FAM110B: variants seen among roughly 807,000 people sequenced by gnomAD.
FAM110B encodes the protein protein FAM110B.
A neutral mutation model predicts 20.4 loss-of-function variants in FAM110B; 6 were observed. The ratio of observed to expected loss-of-function variants is 0.29; its 90% CI spans 0.16 to 0.58. The LOEUF (loss-of-function observed/expected upper bound fraction) is 0.58. Among genes scored for constraint, FAM110B ranks in the 20% least tolerant of loss-of-function variants. FAM110B has a pLI of 0.90. For missense variants in FAM110B, 434 were observed against 498.2 expected, an observed-to-expected ratio of 0.87 and a Z score of 1.23; for synonymous variants, 226 against 214.1, an observed-to-expected ratio of 1.06 and a Z score of -0.49.
At chr8:58,045,583 T>A (rs1456587494) in intron 2 of FAM110B, among the ~76,000 whole-genome samples, 4 of 152,196 alleles carry the variant, frequency 2.6e-5, no homozygotes, top group African/African-American at 9.6e-5. Context: ...TTGAGGCCAG[T>A]TAGCCACCCA....
intron 1 of FAM110B, among the ~76,000 whole-genome samples, chr8:58,024,549 A>T (rs1804817718): frequency 6.6e-6 from 1 of 152,170 alleles, no homozygotes; most frequent in Non-Finnish European, 1.5e-5. Flanking sequence ...TTGATGAAAA[A>T]ATGAATTGCC....
chr8:58,146,946 C>T lies in FAM110B; in HGVS notation c.716C>T (p.Pro239Leu), dbSNP rs772639877. The T allele has an allele frequency of 1.2e-6, 2 of 1,614,114 alleles. No homozygotes were observed. The highest frequency in any genetic ancestry group is 1.7e-6 in the Non-Finnish European group (2 of 1,180,052). ...KIAAIASMKS[P>L]EADPVEPACG... ...GCAGCCATCGCCTCCATGAAGTCCCCCGAGGCCGACCCTGTGGAACCAGCT... is the reference window on the plus strand; with the variant it reads ...GCAGCCATCGCCTCCATGAAGTCCCTCGAGGCCGACCCTGTGGAACCAGCT... Residue 239 changes from proline (P) to leucine (L), a missense_variant, in exon 4 of 4, where the codon CCC (proline) becomes CTC (leucine). Pro to Leu is a moderately conservative substitution (Grantham distance 98). Transcript: ENST00000519262.
intron 3 of FAM110B, among the ~76,000 whole-genome samples, chr8:58,082,125 T>C (rs1806212103): frequency 6.6e-6 from 1 of 152,162 alleles, no homozygotes; most frequent in South Asian, 2.1e-4. Flanking sequence ...GTAGATGGCT[T>C]TGCAGCATCA....
chr8:58,046,517 C>G (rs989121674), intron 2 of FAM110B, among the ~76,000 whole-genome samples: 2 of 152,070 alleles, frequency 1.3e-5, no homozygotes, highest in African/African-American at 4.8e-5. Context: ...CTGTGTATAC[C>G]AGGAATCCTC....
chr8:58,131,274 C>CTTT (rs527262989), intron 3 of FAM110B, among the ~76,000 whole-genome samples: 1 of 151,382 alleles, frequency 6.6e-6, no homozygotes, highest in Non-Finnish European at 1.5e-5. Context: ...AACATGCTGC[C>CTTT]TTTTTTTTTC....
intron 1 of FAM110B, among the ~76,000 whole-genome samples, chr8:58,000,214 G>A (rs910356330): frequency 1.8e-4 from 27 of 152,350 alleles, no homozygotes; most frequent in African/African-American, 6.3e-4. Flanking sequence ...CAGGTCAGCA[G>A]GGCCTTATGG....
intron 3 of FAM110B, among the ~76,000 whole-genome samples, chr8:58,104,915 C>T (rs10092970): frequency 0.86 from 129,854 of 150,924 alleles, 56,344 homozygotes; most frequent in African/African-American, 0.95. Flanking sequence ...CATCGTATTA[C>T]TGACATGTAT....
At chr8:58,064,034 G>C (rs1290649706) in intron 2 of FAM110B, among the ~76,000 whole-genome samples, 1 of 152,168 alleles carries the variant, frequency 6.6e-6, no homozygotes, top group Non-Finnish European at 1.5e-5. Context: ...ATCTTATATG[G>C]CTGGTGCAGG....
chr8:58,054,463 A>G (rs1805513708), intron 2 of FAM110B, among the ~76,000 whole-genome samples: 2 of 152,208 alleles, frequency 1.3e-5, no homozygotes, highest in Non-Finnish European at 2.9e-5. Context: ...CTTCATTACC[A>G]AAGAATCAGT....
chr8:58,000,343 T>C (rs1314211007), intron 1 of FAM110B, among the ~76,000 whole-genome samples: 6 of 152,254 alleles, frequency 3.9e-5, no homozygotes, highest in Non-Finnish European at 5.9e-5. Context: ...TGCTAAGTTC[T>C]TTTATGTTAC....
At chr8:58,127,529 A>T (rs1281538878) in intron 3 of FAM110B, among the ~76,000 whole-genome samples, 1 of 152,014 alleles carries the variant, frequency 6.6e-6, no homozygotes, top group African/African-American at 2.4e-5. Flanking sequence ...GTCTTATATG[A>T]TTGTCTACAT....
At chr8:58,019,693 C>T (rs528951631) in intron 1 of FAM110B, among the ~76,000 whole-genome samples, 87 of 152,144 alleles carry the variant, frequency 5.7e-4, no homozygotes, top group African/African-American at 2.0e-3. Context: ...TCCCTTGTTT[C>T]TAAAAAGAAG....
chr8:58,028,056 C>A (rs905486728), intron 1 of FAM110B, among the ~76,000 whole-genome samples: 1 of 152,188 alleles, frequency 6.6e-6, no homozygotes, highest in African/African-American at 2.4e-5. Context: ...TTTTGAATTT[C>A]CAACAATCAT....
rs1804840854 is a variant in FAM110B at position 58,025,646 on chromosome 8, G to A, written c.-511-5960G>A. Among the ~76,000 whole-genome samples the A allele has an allele frequency of 3.9e-5, 6 of 152,154 alleles. No homozygotes were observed. The South Asian group carries it at 8.3e-4, about 21-fold the overall frequency. ...GTTGGGAGACAGGTTGTGAGGTGATGGTAATGACCTGAATGTCACACTGAG... is the reference window on the plus strand; with the variant it reads ...GTTGGGAGACAGGTTGTGAGGTGATAGTAATGACCTGAATGTCACACTGAG... On this transcript the variant is annotated intron_variant, in intron 1 of 3. Coordinates refer to ENST00000519262, the MANE Select transcript of FAM110B (RefSeq NM_001377989.1).
At chr8:58,093,627 A>C (rs1351667286) in intron 3 of FAM110B, among the ~76,000 whole-genome samples, 1 of 152,144 alleles carries the variant, frequency 6.6e-6, no homozygotes, top group Non-Finnish European at 1.5e-5. Flanking sequence ...TGATGCCAGT[A>C]CCATGCTGTT....
chr8:58,132,194 C>T (rs1268040159), intron 3 of FAM110B, among the ~76,000 whole-genome samples: 1 of 152,068 alleles, frequency 6.6e-6, no homozygotes, highest in Non-Finnish European at 1.5e-5. Flanking sequence ...GAATGCCTCT[C>T]CTCAAAAAGT....
chr8:58,128,758 G>C (rs1807575907), intron 3 of FAM110B, among the ~76,000 whole-genome samples: 1 of 152,120 alleles, frequency 6.6e-6, no homozygotes, highest in Non-Finnish European at 1.5e-5. Flanking sequence ...GTTTGAAAAA[G>C]CTGGCATTGA....
At chr8:58,123,314 G>C (rs552840135) in intron 3 of FAM110B, among the ~76,000 whole-genome samples, 5 of 152,190 alleles carry the variant, frequency 3.3e-5, no homozygotes, top group South Asian at 2.1e-4. Flanking sequence ...CTGCTCTTTG[G>C]GGGGTGGTGC....
intron 1 of FAM110B, among the ~76,000 whole-genome samples, chr8:58,001,577 T>G (rs1468425823): frequency 6.6e-6 from 1 of 152,204 alleles, no homozygotes; most frequent in East Asian, 1.9e-4. Flanking sequence ...CTGTTTTGAT[T>G]GTTCATCCCT....
Sources: gnomAD v4.1 joint callset for allele counts (sites outside exome capture counted in the v4.1 genomes callset) on GRCh38, gnomAD v4.1.1 for gene constraint, MANE v1.5 for transcripts, NCBI Gene and HGNC (gene_info 2026-07-23, HGNC 2026-07-21) for gene names.